Variants in WIPF1 observed in about 807,000 individuals in gnomAD.
The protein encoded by WIPF1 is WAS/WASL-interacting protein family member 1.
A neutral mutation model predicts 35.4 loss-of-function variants in WIPF1; 13 were observed. The observed-to-expected ratio is 0.37, with a 90% CI of 0.24 to 0.58. The LOEUF (loss-of-function observed/expected upper bound fraction) is 0.58. WIPF1 is among the 20% of genes least tolerant of loss of function. The pLI, the probability that WIPF1 is intolerant of heterozygous loss-of-function variation, is 0.74. For missense variants in WIPF1, 591 were observed against 667.0 expected (o/e 0.89, Z 1.25); for synonymous variants, 267 against 266.3 (o/e 1.00, Z -0.02).
At chr2:174,573,424 T>TG (rs1439321809) in intron 4 of WIPF1, among the ~76,000 whole-genome samples, 1 of 152,156 alleles carries the variant, frequency 6.6e-6, no homozygotes, top group Non-Finnish European at 1.5e-5. Context: ...TACATTCTTG[T>TG]GGGGGGAGAT....
At chr2:174,610,550 GA>G (rs896656372) in intron 1 of WIPF1, among the ~76,000 whole-genome samples, 348 of 151,704 alleles carry the variant, frequency 2.3e-3, no homozygotes, top group African/African-American at 8.2e-3. Flanking sequence ...GGACAAAGTA[GA>G]AAAAAAATAT....
At chr2:174,623,660 G>A (rs1205763245) in intron 1 of WIPF1, among the ~76,000 whole-genome samples, 1 of 152,152 alleles carries the variant, frequency 6.6e-6, no homozygotes, top group Non-Finnish European at 1.5e-5. Flanking sequence ...GATTATGAAT[G>A]TAGCCAACAA....
At chr2:174,631,914 C>G (rs1310251443) in intron 1 of WIPF1, among the ~76,000 whole-genome samples, 1 of 152,172 alleles carries the variant, frequency 6.6e-6, no homozygotes, top group East Asian at 1.9e-4. Context: ...CAGTGCCACT[C>G]TGGTATTATC....
chr2:174,619,731 T>C (rs544898275), intron 1 of WIPF1, among the ~76,000 whole-genome samples: 153 of 152,214 alleles, frequency 1.0e-3, no homozygotes, highest in African/African-American at 3.4e-3. Flanking sequence ...TCACTTGAGC[T>C]CAGGAGTTTG....
In WIPF1 at chr2:174,578,215, T is replaced by C. The variant is rs567464344; in HGVS notation, c.182-2835A>G. Among the ~76,000 whole-genome samples, 36 of 152,304 alleles carry C rather than the reference T, an allele frequency of 2.4e-4. No individual in the cohort carries two copies. In the South Asian group the frequency reaches 5.4e-3, roughly 23 times the overall value. On this transcript the variant is annotated intron_variant, in intron 3 of 7. Transcript: ENST00000679041. ...AAAAATGTCTTCAGACATTGCCACA[T>C]ATCCCCTGGAATGCAAAAATCACCC...
At chr2:174,576,817 C>CT (rs1418385775) in intron 3 of WIPF1, among the ~76,000 whole-genome samples, 2 of 152,140 alleles carry the variant, frequency 1.3e-5, no homozygotes, top group Non-Finnish European at 2.9e-5. Context: ...CTTATACCCT[C>CT]TTTAAAAAAA....
chr2:174,589,199 C>G (rs1685528836), intron 1 of WIPF1, among the ~76,000 whole-genome samples: 1 of 152,246 alleles, frequency 6.6e-6, no homozygotes, highest in African/African-American at 2.4e-5. Context: ...TTCCACCAGC[C>G]TATGGACTCC....
At chr2:174,657,439 C>T (rs1189515696) in intron 1 of WIPF1, among the ~76,000 whole-genome samples, 3 of 152,138 alleles carry the variant, frequency 2.0e-5, no homozygotes, top group Non-Finnish European at 4.4e-5. Flanking sequence ...GGCTTGAATG[C>T]TGCATGCTTG....
At chr2:174,609,455 C>CT (rs530281052) in intron 1 of WIPF1, among the ~76,000 whole-genome samples, 1 of 152,184 alleles carries the variant, frequency 6.6e-6, no homozygotes, top group Non-Finnish European at 1.5e-5. Context: ...TTACTGAAGT[C>CT]TTTAACTCAA....
intron 1 of WIPF1, among the ~76,000 whole-genome samples, chr2:174,596,496 C>G (rs558718709): frequency 6.6e-6 from 1 of 152,322 alleles, no homozygotes; most frequent in African/African-American, 2.4e-5. Flanking sequence ...CCCAGTCTTT[C>G]ATCTTTCTCT....
chr2:174,643,364 G>C (rs1559170600), intron 1 of WIPF1, among the ~76,000 whole-genome samples: 1 of 149,328 alleles, frequency 6.7e-6, no homozygotes, highest in African/African-American at 2.6e-5. Context: ...CTATCACGAT[G>C]AAAAACTTCA....
chr2:174,581,579 G>T, intron 2 of WIPF1, 140 bp from the exon 3 acceptor site: 2 of 1,041,672 alleles, frequency 1.9e-6, no homozygotes, highest in Non-Finnish European at 2.7e-6. Flanking sequence ...ACAAGTTTTA[G>T]ACCCCATATC....
At chr2:174,586,468 C>T (rs1685426434) in intron 1 of WIPF1, among the ~76,000 whole-genome samples, 1 of 152,152 alleles carries the variant, frequency 6.6e-6, no homozygotes, top group Non-Finnish European at 1.5e-5. Flanking sequence ...AGACCAGATT[C>T]CGTAGCTGGG....
At chr2:174,592,296 C>A (rs909532170) in intron 1 of WIPF1, among the ~76,000 whole-genome samples, 7 of 152,178 alleles carry the variant, frequency 4.6e-5, no homozygotes, top group Non-Finnish European at 1.5e-5. Context: ...CCCAAGTGGG[C>A]AGGGGTTCTA....
intron 1 of WIPF1, among the ~76,000 whole-genome samples, chr2:174,682,378 G>A (rs2106002635): frequency 6.6e-6 from 1 of 152,286 alleles, no homozygotes; most frequent in Non-Finnish European, 1.5e-5. Context: ...TGGGGTGTAG[G>A]TGCAGCCCCA....
At position 174,572,419 on chromosome 2, in the gene WIPF1, A is replaced by G; in HGVS notation, c.386T>C (p.Leu129Ser). ...AGATGTGGATCTTCCTCCCGGTGGC[A>G]ACAATGGTGGTCGGCTTCCTCCAGA... ...NDSGGSRPPLLPPGGRSTSAK... is the reference protein window; with the variant it reads ...NDSGGSRPPLSPPGGRSTSAK... Residue 129 changes from leucine (L) to serine (S), a missense_variant, in exon 5 of 8, where the codon TTG becomes TCG. Physicochemically the swap from Leu to Ser is moderately radical, Grantham distance 145. Coordinates refer to ENST00000679041, the MANE Select transcript of WIPF1 (RefSeq NM_001375834.1). 6.2e-7 allele frequency: 1 copy of G among 1,614,156 alleles called. No individual in the cohort carries two copies. Among genetic ancestry groups the G allele is most frequent in the Non-Finnish European group, 8.5e-7 (1 of 1,180,022 alleles).
At chr2:174,657,205 C>T (rs1687657914) in intron 1 of WIPF1, among the ~76,000 whole-genome samples, 1 of 152,122 alleles carries the variant, frequency 6.6e-6, no homozygotes, top group South Asian at 2.1e-4. Flanking sequence ...GAACTATGGC[C>T]TAAGCGAAGT....
intron 3 of WIPF1, 41 bp from the exon 4 acceptor site, chr2:174,575,421 C>T (rs2105816132): frequency 6.4e-7 from 1 of 1,561,050 alleles, no homozygotes; most frequent in East Asian, 2.3e-5. Context: ...GCCCCCTGGT[C>T]TGGCCCAGGT....
At chr2:174,659,482 A>C (rs1314142109) in intron 1 of WIPF1, among the ~76,000 whole-genome samples, 1 of 152,230 alleles carries the variant, frequency 6.6e-6, no homozygotes, top group Non-Finnish European at 1.5e-5. Flanking sequence ...GAGTAATGGT[A>C]TACGAGTGCT....
Sources: allele counts gnomAD v4.1 joint callset (sites outside exome capture counted in the v4.1 genomes callset), GRCh38; gene constraint gnomAD v4.1.1; transcripts MANE v1.5; gene names NCBI Gene and HGNC (gene_info 2026-07-23, HGNC 2026-07-21).